The following ICE1 variants were observed in gnomAD, a reference collection of about 807,000 sequenced individuals.
The protein encoded by ICE1 is interactor of little elongation complex ELL subunit 1.
In ICE1, 64 loss-of-function variants were observed where a neutral mutation model predicts 192.7. The observed-to-expected ratio is 0.33, with a 90% CI of 0.27 to 0.41. The LOEUF (loss-of-function observed/expected upper bound fraction) is 0.41. Among genes scored for constraint, ICE1 ranks in the 10% least tolerant of loss-of-function variants. The pLI is 1.00. For missense variants in ICE1, 2,708 were observed against 2,696.0 expected (o/e 1.00, Z -0.10); for synonymous variants, 1,010 against 984.5 (o/e 1.03, Z -0.49).
At chr5:5,447,533 C>A in intron 8 of ICE1, 24 bp downstream of exon 8, 1 of 1,512,732 alleles carries the variant, frequency 6.6e-7, no homozygotes, top group Non-Finnish European at 9.0e-7. Context: ...GCAGCATACA[C>A]ACACCTTAAA....
intron 15 of ICE1, among the ~76,000 whole-genome samples, chr5:5,471,862 C>T (rs1002860174): frequency 6.6e-6 from 1 of 152,078 alleles, no homozygotes; most frequent in African/African-American, 2.4e-5. Flanking sequence ...CAAGGTGGTT[C>T]CTCCTCCAAC....
At chr5:5,431,243 G>A (rs1165873833) in intron 1 of ICE1, among the ~76,000 whole-genome samples, 2 of 152,170 alleles carry the variant, frequency 1.3e-5, no homozygotes, top group Non-Finnish European at 2.9e-5. Context: ...GAAAAAAGAG[G>A]AAGAATCACT....
intron 17 of ICE1, among the ~76,000 whole-genome samples, chr5:5,485,531 T>C (rs1256392062): frequency 6.6e-6 from 1 of 152,262 alleles, no homozygotes; most frequent in Non-Finnish European, 1.5e-5. Flanking sequence ...TTTTTGATGC[T>C]ACAATAAAAC....
intron 1 of ICE1, among the ~76,000 whole-genome samples, chr5:5,425,478 T>TGTA: frequency 6.6e-6 from 1 of 152,220 alleles, no homozygotes; most frequent in Non-Finnish European, 1.5e-5. Context: ...AGGGCCTTAG[T>TGTA]TTACAGAGTT....
In ICE1 at chr5:5,474,644, T is replaced by C. The variant is rs1382142189; in HGVS notation, c.6413+896T>C. On this transcript the variant is annotated intron_variant, in intron 16 of 18. Transcript: ENST00000296564. ...ACCATCTCTGAGAGAATGGAGAAAA[T>C]TGTCACTCAAATAATTTTTCTGTAG... Among the ~76,000 whole-genome samples, 3 of 152,294 alleles carry C rather than the reference T, an allele frequency of 2.0e-5. No individual in the cohort carries two copies. In the East Asian group the frequency reaches 5.8e-4, roughly 29 times the overall value.
intron 8 of ICE1, 24 bp downstream of exon 8, chr5:5,447,533 C>CAT (rs762027578): frequency 6.6e-7 from 1 of 1,512,732 alleles, no homozygotes; most frequent in African/African-American, 1.4e-5. Flanking sequence ...GCAGCATACA[C>CAT]ACACCTTAAA....
Position 5,460,691 on chromosome 5 carries a change from T to C in ICE1, c.1357T>C (p.Ser453Pro). ...ETFTATLRES[S>P]ATHSLVGEKH... Reference sequence around the variant, plus strand: ...TTTCACAGCAACACTGAGAGAATCTTCTGCCACACACTCCTTAGTTGGTGA... The same window carrying C: ...TTTCACAGCAACACTGAGAGAATCTCCTGCCACACACTCCTTAGTTGGTGA... The change falls in exon 13 of 19, where the codon TCT (serine) becomes CCT (proline). Residue 453 changes from serine (S) to proline (P), a missense_variant. This residue lies in a region of ICE1 where 2,366 missense variants were observed against 2,276.6 expected (regional missense o/e 1.04). Coordinates refer to ENST00000296564, the MANE Select transcript of ICE1 (RefSeq NM_015325.3). The C allele has an allele frequency of 6.2e-7, 1 of 1,613,992 alleles. No homozygotes were observed.
At position 5,426,589 on chromosome 5, in the gene ICE1, G is replaced by A. The variant is rs544788987; in HGVS notation, c.84+3590G>A. The stretch of plus-strand genomic sequence containing the variant: ...ACATGCTATCATTAGAGTCAGTGAC[G>A]GAAAACCAACTAGCTGATGTGTGGC... On this transcript the variant is annotated intron_variant, in intron 1 of 18. Coordinates refer to ENST00000296564, the MANE Select transcript of ICE1 (RefSeq NM_015325.3). Among the ~76,000 whole-genome samples, 13 of 152,244 alleles carry A rather than the reference G, an allele frequency of 8.5e-5. No individual in the cohort carries two copies. The East Asian group carries it at 1.5e-3, about 18-fold the overall frequency.
chr5:5,468,986 A>C lies in ICE1; in HGVS notation c.6220A>C (p.Lys2074Gln). The change falls in exon 15 of 19, where the codon AAG (lysine) becomes CAG (glutamine). Residue 2074 changes from lysine to glutamine, a missense_variant and splice_region_variant. Physicochemically the swap from Lys to Gln is moderately conservative, Grantham distance 53. Around this residue, in one of 2 missense-constraint regions of ICE1, gnomAD observed 342 missense variants for 419.3 expected, o/e 0.82. Coordinates refer to ENST00000296564, the MANE Select transcript of ICE1 (RefSeq NM_015325.3). ...NCLRAFLNWE[K>Q]NAPVDVGFMV... ...CTTGAGAGCTTTTCTTAATTGGGAA[A>C]AGGTGAGCCATATTTCTGTTTCTTA... 6.6e-7 allele frequency: 1 copy of C among 1,507,702 alleles called. No individual in the cohort carries two copies. Among genetic ancestry groups the C allele is most frequent in the Non-Finnish European group, 8.8e-7 (1 of 1,132,436 alleles). The allele number at this position is 1,507,702 out of a possible 1,614,324, so 93.4% of individuals were successfully genotyped here.
rs565795376 is a variant in ICE1 at position 5,461,976 on chromosome 5, A to G, written c.2642A>G (p.His881Arg). 1.1e-5 allele frequency: 17 copies of G among 1,613,984 alleles called. No homozygotes were observed. The African/African-American group carries it at 1.6e-4, about 15-fold the overall frequency. Residue 881 changes from histidine to arginine, a missense_variant, in exon 13 of 19, where the codon CAT becomes CGT. By Grantham distance (29) the His-to-Arg change is conservative. Coordinates refer to ENST00000296564, the MANE Select transcript of ICE1 (RefSeq NM_015325.3). Reference sequence around the variant, plus strand: ...GCCAAATTGGAACACTTGAGGCCACATAGGGTTGAGCCTACCTTAGTAACA... The same window carrying G: ...GCCAAATTGGAACACTTGAGGCCACGTAGGGTTGAGCCTACCTTAGTAACA... ...QSAKLEHLRP[H>R]RVEPTLVTEN...
At position 5,464,878 on chromosome 5, in the gene ICE1, G is replaced by A; in HGVS notation, c.5544G>A (p.Leu1848=). 1.9e-6 allele frequency: 3 copies of A among 1,613,276 alleles called. No individual in the cohort carries two copies. Among genetic ancestry groups the A allele is most frequent in the East Asian group, 2.2e-5 (1 of 44,864 alleles). ...STSTLRSAKR[L]RLDTGSPEPE... is the part of the protein sequence containing the mutation. ...CTACACTGAGAAGTGCTAAAAGACT[G>A]CGCCTGGACACTGGGTCCCCAGAAC... is the stretch of plus-strand genomic sequence containing the variant. Residue 1848 remains leucine (L), a synonymous_variant, in exon 13 of 19, where the codon CTG becomes CTA. Coordinates refer to ENST00000296564, the MANE Select transcript of ICE1 (RefSeq NM_015325.3). The surrounding 1 kb of genome is among the most constrained non-coding windows in gnomAD (Gnocchi z 4.0).
chr5:5,462,449 A>G lies in ICE1; in HGVS notation c.3115A>G (p.Thr1039Ala). 2.5e-6 allele frequency: 4 copies of G among 1,614,008 alleles called. No homozygotes were observed. The highest frequency in any genetic ancestry group is 3.4e-6 in the Non-Finnish European group (4 of 1,179,892). The change falls in exon 13 of 19, where the codon ACC (threonine) becomes GCC (alanine). Residue 1039 changes from threonine to alanine, a missense_variant. By Grantham distance (58) the Thr-to-Ala change is moderately conservative (BLOSUM62 0). Around this residue, in one of 2 missense-constraint regions of ICE1, gnomAD observed 2,366 missense variants for 2,276.6 expected, o/e 1.04. Transcript: ENST00000296564. The part of the protein sequence containing the change: ...GEALAVANDS[T>A]STPQNANGLW... ...GGCCCTGGCTGTTGCAAATGATTCTACCAGCACACCACAAAATGCTAATGG... is the reference window on the plus strand; with the variant it reads ...GGCCCTGGCTGTTGCAAATGATTCTGCCAGCACACCACAAAATGCTAATGG...
At chr5:5,482,597 G>C (rs1401305509) in intron 17 of ICE1, among the ~76,000 whole-genome samples, 1 of 152,228 alleles carries the variant, frequency 6.6e-6, no homozygotes, top group Non-Finnish European at 1.5e-5. Flanking sequence ...AGCAGAGCCT[G>C]GTCCTGCCTG....
Position 5,460,654 on chromosome 5 carries a change from T to A in ICE1, c.1320T>A (p.Ser440=). The change falls in exon 13 of 19, where the codon TCT becomes TCA. Residue 440 remains serine, a synonymous_variant. Transcript: ENST00000296564. ...GGGAAGTAAATAAAGTGACAACTTC[T>A]GGACTCGAGACTTTCACAGCAACAC... ...NTWEVNKVTT[S]GLETFTATLR... 1.9e-6 allele frequency: 3 copies of A among 1,613,946 alleles called. No homozygotes were observed. The highest frequency in any genetic ancestry group is 2.5e-6 in the Non-Finnish European group (3 of 1,179,872).
chr5:5,460,961 C>T lies in ICE1; in HGVS notation c.1627C>T (p.Leu543Phe). 6.2e-7 allele frequency: 1 copy of T among 1,614,032 alleles called. No homozygotes were observed. Among genetic ancestry groups the T allele is most frequent in the Non-Finnish European group, 8.5e-7 (1 of 1,179,906 alleles). ...SPLGKRPLNE[L>F]MESEGKTVLS... ...CCTTGGCAAAAGGCCATTAAATGAA[C>T]TCATGGAATCTGAAGGAAAAACCGT... The change falls in exon 13 of 19, where the codon CTC becomes TTC. Residue 543 changes from leucine (L) to phenylalanine (F), a missense_variant. Physicochemically the swap from Leu to Phe is conservative, Grantham distance 22 (BLOSUM62 0). Transcript: ENST00000296564.
intron 10 of ICE1, among the ~76,000 whole-genome samples, chr5:5,452,586 T>A (rs1227257132): frequency 6.6e-6 from 1 of 152,002 alleles, no homozygotes; most frequent in Non-Finnish European, 1.5e-5. Flanking sequence ...GATGTAAAAT[T>A]TCCCCAAATG....
rs761163851 is a variant in ICE1, at chr5:5,464,380, T to A, written c.5046T>A (p.Ser1682=). The change falls in exon 13 of 19, where the codon TCT becomes TCA. Residue 1682 remains serine (S), a synonymous_variant. Coordinates refer to ENST00000296564, the MANE Select transcript of ICE1 (RefSeq NM_015325.3). This position sits in a 1 kb window ranked among gnomAD's most constrained non-coding sequence, Gnocchi z 4.0. ...FRETPVPPAM[S]PWPEDPRRAS... The stretch of plus-strand genomic sequence containing the variant: ...AAACCCCAGTGCCTCCTGCCATGTC[T>A]CCATGGCCAGAGGACCCCAGACGTG... 6.2e-7 allele frequency: 1 copy of A among 1,613,674 alleles called. No individual in the cohort carries two copies. Among genetic ancestry groups the A allele is most frequent in the South Asian group, 1.1e-5 (1 of 91,044 alleles).
rs747005882 is a variant in ICE1, at chr5:5,461,300, G to T, written c.1966G>T (p.Asp656Tyr). 2 of 1,613,672 alleles carry T rather than the reference G, an allele frequency of 1.2e-6. No homozygotes were observed. Among genetic ancestry groups the T allele is most frequent in the Admixed American group, 1.7e-5 (1 of 60,028 alleles). ...QSSSGLDCGN[D>Y]TDITTKVFST... ...TTCTTCTGGGTTAGACTGTGGTAAT[G>T]ATACAGATATTACTACTAAAGTATT... is the stretch of plus-strand genomic sequence containing the variant. Residue 656 changes from aspartate (D) to tyrosine (Y), a missense_variant, in exon 13 of 19, where the codon GAT becomes TAT. By Grantham distance (160) the Asp-to-Tyr change is radical (BLOSUM62 -3). This residue lies in a region of ICE1 where 2,366 missense variants were observed against 2,276.6 expected (regional missense o/e 1.04). Transcript: ENST00000296564.
At chr5:5,459,403 C>T (rs950271628) in intron 12 of ICE1, among the ~76,000 whole-genome samples, 8 of 152,152 alleles carry the variant, frequency 5.3e-5, no homozygotes, top group African/African-American at 1.9e-4. Context: ...TATGCATGTA[C>T]ACAGGTGAGA....
Sources: allele counts gnomAD v4.1 joint callset (sites outside exome capture counted in the v4.1 genomes callset), GRCh38; gene constraint gnomAD v4.1.1; regional missense constraint gnomAD v4.1.1; non-coding constraint Gnocchi (gnomAD v3.1); transcripts MANE v1.5; gene names NCBI Gene and HGNC (gene_info 2026-07-23, HGNC 2026-07-21).